WDR93: variants seen among roughly 807,000 people sequenced by gnomAD.
WDR93 encodes WD repeat-containing protein 93.
A neutral mutation model predicts 82.9 loss-of-function variants in WDR93; 73 were observed. The observed-to-expected ratio is 0.88, with a 90% CI of 0.73 to 1.07. WDR93 has a LOEUF of 1.07. Among genes scored for constraint, WDR93 ranks in the 50% least tolerant of loss-of-function variants. WDR93 has a pLI of 0.00. For missense variants in WDR93, 738 were observed against 826.0 expected, an observed-to-expected ratio of 0.89 and a Z score of 1.31; for synonymous variants, 283 against 300.1, an observed-to-expected ratio of 0.94 and a Z score of 0.59.
intron 15 of WDR93, 81 bp from the exon 16 acceptor site, chr15:89,737,960 C>T (rs1596129299): frequency 2.1e-6 from 3 of 1,431,402 alleles, no homozygotes; most frequent in Non-Finnish European, 2.9e-6. Context: ...CAGAGAGCAG[C>T]CCCCACCTGC....
intron 8 of WDR93, among the ~76,000 whole-genome samples, chr15:89,724,597 T>A (rs964671097): frequency 6.6e-6 from 1 of 152,082 alleles, no homozygotes; most frequent in African/African-American, 2.4e-5. Context: ...ATATGAAGAA[T>A]TACTACAGAT....
chr15:89,725,005 T>C (rs957460812), intron 8 of WDR93, among the ~76,000 whole-genome samples: 3 of 152,142 alleles, frequency 2.0e-5, no homozygotes, highest in Admixed American at 6.5e-5. Context: ...ACTGAGGGGT[T>C]TCCTGGGATG....
chr15:89,690,595 C>T (rs1822699477), upstream of WDR93: 10 of 1,551,410 alleles, frequency 6.4e-6, no homozygotes, highest in Non-Finnish European at 7.8e-6. Context: ...TCGGTCCCGG[C>T]CCTGGGTCTG....
In WDR93 at chr15:89,738,772, G is replaced by A. The variant is rs117055224; in HGVS notation, c.1961+536G>A. On this transcript the variant is annotated intron_variant, in intron 16 of 16. Transcript: ENST00000268130. Reference sequence around the variant, plus strand: ...GAGAAAAGAAGGGCTTCCAGTTGGTGTTTTCTTCCTGTCAAGATCATCTTT... The same window carrying A: ...GAGAAAAGAAGGGCTTCCAGTTGGTATTTTCTTCCTGTCAAGATCATCTTT... Among the ~76,000 whole-genome samples the A allele has an allele frequency of 9.9e-5, 15 of 152,168 alleles. No individual in the cohort carries two copies. The East Asian group carries it at 2.9e-3, about 29-fold the overall frequency.
intron 9 of WDR93, among the ~76,000 whole-genome samples, chr15:89,728,734 C>A (rs1399712423): frequency 6.6e-6 from 1 of 152,142 alleles, no homozygotes; most frequent in Non-Finnish European, 1.5e-5. Context: ...AGGACATCTT[C>A]CCCAAAACAG....
intron 7 of WDR93, among the ~76,000 whole-genome samples, chr15:89,717,999 C>T (rs1365375075): frequency 6.6e-6 from 1 of 152,152 alleles, no homozygotes; most frequent in African/African-American, 2.4e-5. Flanking sequence ...TAGTGGTGAA[C>T]TTCTGAAGTG....
chr15:89,715,733 G>A (rs999748205), intron 6 of WDR93, among the ~76,000 whole-genome samples: 1 of 152,018 alleles, frequency 6.6e-6, no homozygotes, highest in Non-Finnish European at 1.5e-5. Context: ...ACAGGTGCAC[G>A]CTGCCATGCC....
chr15:89,735,521 G>A lies in WDR93; in HGVS notation c.1576G>A (p.Ala526Thr). Residue 526 changes from alanine to threonine, a missense_variant, in exon 14 of 17, where the codon GCC becomes ACC. Ala to Thr is a moderately conservative substitution (Grantham distance 58). Coordinates refer to ENST00000268130, the MANE Select transcript of WDR93 (RefSeq NM_020212.2). The stretch of plus-strand genomic sequence containing the variant: ...AAAGCACCTGGATAAAACCATCTGT[G>A]CCGTGGCCCCAGTCCCAGCCTTACC... ...PVKHLDKTIC[A>T]VAPVPALPGM... 6.2e-7 allele frequency: 1 copy of A among 1,614,106 alleles called. No homozygotes were observed. Among genetic ancestry groups the A allele is most frequent in the Admixed American group, 1.7e-5 (1 of 60,018 alleles).
chr15:89,741,481 G>A (rs1967670572), intron 16 of WDR93, among the ~76,000 whole-genome samples: 1 of 152,134 alleles, frequency 6.6e-6, no homozygotes, highest in Admixed American at 6.6e-5. Flanking sequence ...TCCCACCTGG[G>A]CCTTACAAAT....
intron 3 of WDR93, 46 bp downstream of exon 3, chr15:89,703,188 T>G: frequency 1.9e-6 from 3 of 1,598,278 alleles, no homozygotes; most frequent in Non-Finnish European, 2.6e-6. Context: ...CAGGTACCTG[T>G]AGACTGTTGT....
chr15:89,711,056 A>G (rs1965952053), intron 4 of WDR93, among the ~76,000 whole-genome samples: 1 of 152,226 alleles, frequency 6.6e-6, no homozygotes, highest in African/African-American at 2.4e-5. Context: ...AGTCAGGATG[A>G]TAACTGTTCT....
At chr15:89,695,442 C>A (rs1445918777) in intron 1 of WDR93, among the ~76,000 whole-genome samples, 2 of 152,080 alleles carry the variant, frequency 1.3e-5, no homozygotes, top group Non-Finnish European at 2.9e-5. Context: ...CAAAGCAATC[C>A]TCTCACCTCA....
At chr15:89,737,456 C>G (rs938177888) in intron 14 of WDR93, 117 bp from the exon 15 acceptor site, 21 of 1,369,566 alleles carry the variant, frequency 1.5e-5, no homozygotes, top group East Asian at 2.3e-5. Context: ...GGCTGGGGCC[C>G]AAGAGGTTTT....
intron 1 of WDR93, among the ~76,000 whole-genome samples, chr15:89,695,204 G>A (rs949044190): frequency 6.6e-6 from 1 of 150,838 alleles, no homozygotes; most frequent in Non-Finnish European, 1.5e-5. Context: ...TGTTGAATTT[G>A]TACATGAATT....
intron 16 of WDR93, among the ~76,000 whole-genome samples, chr15:89,742,824 C>T (rs979486167): frequency 6.6e-6 from 1 of 152,330 alleles, no homozygotes; most frequent in African/African-American, 2.4e-5. Context: ...TGAGCCACCG[C>T]GCCTGGCCAA....
intron 14 of WDR93, among the ~76,000 whole-genome samples, chr15:89,737,071 A>G (rs7173781): frequency 0.052 from 7,909 of 152,218 alleles, 415 homozygotes; most frequent in African/African-American, 0.14. Context: ...GATTACAGGC[A>G]TGAGCCATCG....
intron 4 of WDR93, among the ~76,000 whole-genome samples, chr15:89,709,500 A>T (rs1965867381): frequency 6.6e-6 from 1 of 151,508 alleles, no homozygotes; most frequent in Non-Finnish European, 1.5e-5. Context: ...TACCTGTTTT[A>T]TATATATATA....
intron 1 of WDR93, among the ~76,000 whole-genome samples, chr15:89,698,040 C>T (rs981663231): frequency 7.3e-5 from 11 of 151,606 alleles, no homozygotes; most frequent in African/African-American, 1.7e-4. Context: ...CCACCACGCC[C>T]GGCTGATTTT....
At chr15:89,690,665 G>A (rs1964820385), upstream of WDR93, 2 of 1,532,758 alleles carry the variant, frequency 1.3e-6, no homozygotes, top group African/African-American at 1.4e-5. Context: ...AGTCGCACGG[G>A]GCTCAGGCGT....
Sources: allele counts gnomAD v4.1 joint callset (sites outside exome capture counted in the v4.1 genomes callset), GRCh38; gene constraint gnomAD v4.1.1; transcripts MANE v1.5; gene names NCBI Gene and HGNC (gene_info 2026-07-23, HGNC 2026-07-21).